The following PRKCB variants were observed in gnomAD, a reference collection of about 807,000 sequenced individuals.
PRKCB encodes the protein protein kinase C beta type.
In PRKCB, 13 loss-of-function variants were observed where a neutral mutation model predicts 81.5. The observed-to-expected ratio is 0.16, with a 90% CI of 0.10 to 0.25. PRKCB has a LOEUF of 0.25. Among genes scored for constraint, PRKCB ranks in the 10% least tolerant of loss-of-function variants. The pLI is 1.00. For synonymous variants in PRKCB, 335 were observed against 321.4 expected (o/e 1.04, Z -0.45); for missense variants, 509 against 875.7 (o/e 0.58, Z 5.29).
At chr16:23,923,242 G>C (rs77999999) in intron 2 of PRKCB, among the ~76,000 whole-genome samples, 3,314 of 152,110 alleles carry the variant, frequency 0.022, 74 homozygotes, top group South Asian at 0.056. Flanking sequence ...TGATCCAGGG[G>C]TTTGTTATGT....
chr16:23,847,577 C>CATCCATCCATCT (rs112988555), intron 2 of PRKCB, among the ~76,000 whole-genome samples: 24,217 of 150,560 alleles, frequency 0.16, 2,542 homozygotes, highest in East Asian at 0.44. Flanking sequence ...TCCATCCATC[C>CATCCATCCATCT]GTCTGGCTAT....
At chr16:24,189,641 C>CAAAAA (rs10605364) in intron 15 of PRKCB, among the ~76,000 whole-genome samples, 3 of 83,312 alleles carry the variant, frequency 3.6e-5, no homozygotes, top group African/African-American at 4.3e-5. Flanking sequence ...GACTCCGTCT[C>CAAAAA]AAAAAAAAAA....
chr16:24,083,320 G>A (rs1429571196), intron 5 of PRKCB, among the ~76,000 whole-genome samples: 1 of 152,134 alleles, frequency 6.6e-6, no homozygotes, highest in Admixed American at 6.5e-5. Flanking sequence ...GCATATAACT[G>A]AATGATCCCA....
At position 24,217,454 on chromosome 16, in the gene PRKCB, C is replaced by T. The variant is rs2141997525; in HGVS notation, c.*2638C>T. On this transcript the variant is annotated 3_prime_UTR_variant, in exon 17 of 17. Transcript: ENST00000643927. Reference sequence around the variant, plus strand: ...GGAGGTCAGTAGAATTAATAACCCTCCTTGGATGAGTGCTACTGTTTTCAC... The same window carrying T: ...GGAGGTCAGTAGAATTAATAACCCTTCTTGGATGAGTGCTACTGTTTTCAC... 1.0e-6 allele frequency: 1 copy of T among 985,416 alleles called. No homozygotes were observed. The highest frequency in any genetic ancestry group is 1.2e-6 in the Non-Finnish European group (1 of 829,936). 61.0% of individuals were successfully genotyped at this position (985,416 alleles called of 1,614,324 possible). A position where few individuals can be genotyped will look rare whatever the true frequency, so the allele number is the denominator to read the frequency against.
chr16:24,077,078 T>C (rs1393075577), intron 5 of PRKCB, among the ~76,000 whole-genome samples: 1 of 152,102 alleles, frequency 6.6e-6, no homozygotes, highest in Non-Finnish European at 1.5e-5. Flanking sequence ...CACCTGGGCA[T>C]ATCAGGGGGC....
intron 2 of PRKCB, among the ~76,000 whole-genome samples, chr16:23,956,295 A>T (rs1567325305): frequency 1.3e-5 from 2 of 148,284 alleles, no homozygotes; most frequent in Admixed American, 6.7e-5. Context: ...TTTTTGTAAT[A>T]TTTTTTTTTT....
intron 5 of PRKCB, among the ~76,000 whole-genome samples, chr16:24,057,853 T>C (rs937851423): frequency 6.6e-6 from 1 of 152,088 alleles, no homozygotes; most frequent in African/African-American, 2.4e-5. Flanking sequence ...TTGACGGTCT[T>C]TTGCCCTCTG....
intron 2 of PRKCB, among the ~76,000 whole-genome samples, chr16:23,982,742 C>G (rs28654803): frequency 6.6e-6 from 1 of 152,106 alleles, no homozygotes; most frequent in Non-Finnish European, 1.5e-5. Context: ...GGTGGCCTTT[C>G]TGATCTTGCC....
At chr16:24,167,913 T>C (rs1967372623) in intron 10 of PRKCB, among the ~76,000 whole-genome samples, 1 of 152,232 alleles carries the variant, frequency 6.6e-6, no homozygotes, top group African/African-American at 2.4e-5. Context: ...ATGATTATAC[T>C]TGTCACATTG....
intron 1 of PRKCB, 167 bp from the exon 2 acceptor site, chr16:23,837,208 C>A (rs1597201919): frequency 1.2e-6 from 1 of 800,896 alleles, no homozygotes; most frequent in African/African-American, 1.7e-5. Flanking sequence ...TACAGCCGAG[C>A]TCCCACCTAC....
rs1345756242 is a variant in PRKCB at position 24,205,585 on chromosome 16, GC to G, written c.1864-9072del. On this transcript the variant is annotated intron_variant, in intron 16 of 16. Coordinates refer to ENST00000643927, the MANE Select transcript of PRKCB (RefSeq NM_002738.7). The stretch of plus-strand genomic sequence containing the variant: ...CTTAAACTAAACCCATTTTCTCATT[GC>G]ACAGCAAGGACTTCATAGAGCTTTT... Among the ~76,000 whole-genome samples, 61 of 152,168 alleles carry G rather than the reference GC, an allele frequency of 4.0e-4. 1 individual carries two copies. The highest frequency in any genetic ancestry group is 7.2e-4 in the Admixed American group (11 of 15,280).
chr16:24,135,442 G>A (rs1253998965), intron 9 of PRKCB, among the ~76,000 whole-genome samples: 2 of 151,076 alleles, frequency 1.3e-5, no homozygotes, highest in Non-Finnish European at 2.9e-5. Flanking sequence ...CCTCCCGAGT[G>A]GCTGGGATTA....
chr16:24,135,018 T>C (rs766979203), intron 9 of PRKCB, among the ~76,000 whole-genome samples: 4 of 152,100 alleles, frequency 2.6e-5, no homozygotes, highest in Non-Finnish European at 5.9e-5. Flanking sequence ...AAGACAAATA[T>C]ATTAATATTA....
chr16:24,106,299 G>A lies in PRKCB; in HGVS notation c.822-6674G>A, dbSNP rs541514804. Among the ~76,000 whole-genome samples, 6 of 152,220 alleles carry A rather than the reference G, an allele frequency of 3.9e-5. No homozygotes were observed. The South Asian group carries it at 1.2e-3, about 32-fold the overall frequency. On this transcript the variant is annotated intron_variant, in intron 7 of 16. Transcript: ENST00000643927. ...TGCAGTATCAAATTAGTTAATATAAGTGAGGTGCCCAATGTCTGCTAAATA... is the reference window on the plus strand; with the variant it reads ...TGCAGTATCAAATTAGTTAATATAAATGAGGTGCCCAATGTCTGCTAAATA...
intron 2 of PRKCB, among the ~76,000 whole-genome samples, chr16:23,916,767 T>C (rs1247664078): frequency 6.6e-6 from 1 of 152,184 alleles, no homozygotes; most frequent in Admixed American, 6.5e-5. Context: ...AACATCCTCA[T>C]TCTTTTTTTT....
At chr16:23,844,565 G>C (rs959680017) in intron 2 of PRKCB, among the ~76,000 whole-genome samples, 1 of 150,886 alleles carries the variant, frequency 6.6e-6, no homozygotes, top group African/African-American at 2.4e-5. Context: ...GGAGTGCAGT[G>C]GTGCAATCTT....
chr16:24,175,881 A>G (rs1967521622), intron 12 of PRKCB, among the ~76,000 whole-genome samples: 1 of 148,754 alleles, frequency 6.7e-6, no homozygotes. Flanking sequence ...CTGAGGTGGG[A>G]GGATCAATTG....
At chr16:24,137,118 A>T (rs889614927) in intron 9 of PRKCB, among the ~76,000 whole-genome samples, 1 of 150,602 alleles carries the variant, frequency 6.6e-6, no homozygotes, top group Admixed American at 6.7e-5. Flanking sequence ...TGAACTCCTG[A>T]CCTCAAATGA....
intron 5 of PRKCB, among the ~76,000 whole-genome samples, chr16:24,054,615 G>C (rs1233121550): frequency 6.6e-6 from 1 of 152,168 alleles, no homozygotes; most frequent in Non-Finnish European, 1.5e-5. Flanking sequence ...CCTTTCCCAA[G>C]AAGGGGAGCT....
Sources: gnomAD v4.1 joint callset for allele counts (sites outside exome capture counted in the v4.1 genomes callset) on GRCh38, gnomAD v4.1.1 for gene constraint, MANE v1.5 for transcripts, NCBI Gene and HGNC (gene_info 2026-07-23, HGNC 2026-07-21) for gene names.